AGRN: variants seen among roughly 807,000 people sequenced by gnomAD.
The protein encoded by AGRN is agrin.
AGRN carries 106 observed loss-of-function variants against 211.0 expected under a neutral mutation model. The observed-to-expected ratio is 0.50, with a 90% CI of 0.43 to 0.59. The LOEUF (loss-of-function observed/expected upper bound fraction) is 0.59, where lower values mean the gene tolerates loss of function less well. AGRN is among the 20% of genes least tolerant of loss of function. The pLI, the probability that AGRN is intolerant of heterozygous loss-of-function variation, is 0.00. For synonymous variants in AGRN, 1,525 were observed against 1,332.5 expected, an observed-to-expected ratio of 1.14 and a Z score of -3.15; for missense variants, 3,040 against 2,982.6, an observed-to-expected ratio of 1.02 and a Z score of -0.45.
At chr1:1,029,227 G>A (rs2100584802) in intron 2 of AGRN, among the ~76,000 whole-genome samples, 1 of 152,310 alleles carries the variant, frequency 6.6e-6, no homozygotes, top group East Asian at 1.9e-4. Flanking sequence ...ATAAGTACCT[G>A]CGGGTGCCCA....
chr1:1,054,624 C>G, intron 35 of AGRN, 73 bp downstream of exon 35: 2 of 1,523,962 alleles, frequency 1.3e-6, no homozygotes, highest in Non-Finnish European at 1.8e-6. Context: ...CTCCACCCCC[C>G]AGCGCCCACC....
rs1380149207 is a variant in AGRN, at chr1:1,031,122, G to T, written c.464-4155G>T. Among the ~76,000 whole-genome samples the T allele has an allele frequency of 7.1e-6, 1 of 140,722 alleles. No individual in the cohort carries two copies. Among genetic ancestry groups the T allele is most frequent in the Non-Finnish European group, 1.5e-5 (1 of 65,058 alleles). 92.3% of individuals were successfully genotyped at this position (140,722 alleles called of 152,430 possible). Reference sequence around the variant, plus strand: ...GTGTGTGCGGTGCATGGTGCTGTGTGAGATGTGTGTGTGTGCAGTGCATGG... The same window carrying T: ...GTGTGTGCGGTGCATGGTGCTGTGTTAGATGTGTGTGTGTGCAGTGCATGG... On this transcript the variant is annotated intron_variant, in intron 2 of 35. Transcript: ENST00000379370. The surrounding 1 kb of genome is among the most constrained non-coding windows in gnomAD (Gnocchi z 4.8).
At chr1:1,028,327 C>A (rs998293710) in intron 2 of AGRN, among the ~76,000 whole-genome samples, 1 of 133,582 alleles carries the variant, frequency 7.5e-6, no homozygotes, top group East Asian at 2.2e-4. Flanking sequence ...AACGCCCCCC[C>A]CCCCCCCCCG....
intron 34 of AGRN, 89 bp from the exon 35 acceptor site, chr1:1,054,359 C>A: frequency 8.1e-7 from 1 of 1,234,162 alleles, no homozygotes; most frequent in Non-Finnish European, 1.2e-6. Flanking sequence ...GAGGCACCTG[C>A]AGGGCATAGG....
In AGRN at chr1:1,037,996, C is replaced by T. The variant is rs545793846; in HGVS notation, c.512-2669C>T. ...GTGGGAGCGGCCCCTCACCTAAGCCCGCAGTGTGAGCGGAGAATGGGGGGG... is the reference window on the plus strand; with the variant it reads ...GTGGGAGCGGCCCCTCACCTAAGCCTGCAGTGTGAGCGGAGAATGGGGGGG... On this transcript the variant is annotated intron_variant, in intron 3 of 35. Transcript: ENST00000379370. Among the ~76,000 whole-genome samples, 206 of 152,282 alleles carry T rather than the reference C, an allele frequency of 1.4e-3. 1 individual carries two copies. The highest frequency in any genetic ancestry group is 4.8e-3 in the African/African-American group (200 of 41,562).
At chr1:1,023,647 G>C (rs977572060) in intron 2 of AGRN, among the ~76,000 whole-genome samples, 10 of 152,184 alleles carry the variant, frequency 6.6e-5, no homozygotes, top group Non-Finnish European at 1.0e-4. Context: ...AGGAGAGGGG[G>C]TCACTAACCC....
chr1:1,039,200 G>C (rs1644869744), intron 3 of AGRN, among the ~76,000 whole-genome samples: 1 of 152,202 alleles, frequency 6.6e-6, no homozygotes, highest in African/African-American at 2.4e-5. Flanking sequence ...TAGCAGAAGA[G>C]GGGTGGGGGC....
In AGRN at chr1:1,047,083, G is replaced by C. The variant is rs572127951; in HGVS notation, c.3388+126G>C. On this transcript the variant is annotated intron_variant, in intron 19 of 35. Coordinates refer to ENST00000379370, the MANE Select transcript of AGRN (RefSeq NM_198576.4). ...CTTGGGACTCGGCCCCCTCAAACAT[G>C]TGCGTGCCGGGGACCCCACGCCTAA... 123 of 1,453,888 alleles carry C rather than the reference G, an allele frequency of 8.5e-5. No individual in the cohort carries two copies. The South Asian group carries it at 1.6e-3, about 18-fold the overall frequency. 90.1% of individuals were successfully genotyped at this position (1,453,888 alleles called of 1,614,324 possible).
At position 1,041,461 on chromosome 1, in the gene AGRN, C is replaced by A; in HGVS notation, c.953-17C>A. 1 of 1,579,794 alleles carries A rather than the reference C, an allele frequency of 6.3e-7. No homozygotes were observed. The highest frequency in any genetic ancestry group is 8.5e-7 in the Non-Finnish European group (1 of 1,170,742). On this transcript the variant is annotated splice_polypyrimidine_tract_variant and intron_variant, in intron 5 of 35. Transcript: ENST00000379370. ...GCGCGCGGCGACAGCGTCCTGACTC[C>A]TGCCCTCGACCCCCAGACCCCTGTC... is the stretch of plus-strand genomic sequence containing the variant.
In AGRN at chr1:1,050,799, C is replaced by A; in HGVS notation, c.5215C>A (p.Arg1739Ser). The change falls in exon 30 of 36, where the codon CGT becomes AGT. Residue 1739 changes from arginine to serine, a missense_variant. Physicochemically the swap from Arg to Ser is moderately radical, Grantham distance 110 (BLOSUM62 -1). Coordinates refer to ENST00000379370, the MANE Select transcript of AGRN (RefSeq NM_198576.4). ...LERNGRKGALRVGDGPRVLGE... is the reference protein window; with the variant it reads ...LERNGRKGALSVGDGPRVLGE... ...GCGAAACGGCCGCAAGGGTGCCCTGCGTGTGGGCGACGGCCCCCGTGTGTT... is the reference window on the plus strand; with the variant it reads ...GCGAAACGGCCGCAAGGGTGCCCTGAGTGTGGGCGACGGCCCCCGTGTGTT... The A allele has an allele frequency of 6.3e-7, 1 of 1,597,474 alleles. No individual in the cohort carries two copies. The highest frequency in any genetic ancestry group is 8.5e-7 in the Non-Finnish European group (1 of 1,175,816).
At chr1:1,022,056 C>A in intron 1 of AGRN, 145 bp from the exon 2 acceptor site, 1 of 1,043,724 alleles carries the variant, frequency 9.6e-7, no homozygotes, top group Non-Finnish European at 1.4e-6. Flanking sequence ...CCAGCTTCCG[C>A]CCAGCGGGCT....
intron 3 of AGRN, among the ~76,000 whole-genome samples, chr1:1,039,505 C>T (rs1644879409): frequency 6.6e-6 from 1 of 151,816 alleles, no homozygotes; most frequent in South Asian, 2.1e-4. Flanking sequence ...ATAATTGGAC[C>T]CAATTAAACA....
intron 29 of AGRN, 35 bp downstream of exon 29, chr1:1,050,626 G>A: frequency 6.2e-7 from 1 of 1,604,820 alleles, no homozygotes; most frequent in African/African-American, 1.3e-5. Flanking sequence ...GAGGCCTGGG[G>A]CACTGGCCCG....
Position 1,045,334 on chromosome 1 carries a change from A to T in AGRN, c.2372-25A>T, listed in dbSNP as rs780280646. On this transcript the variant is annotated intron_variant, in intron 13 of 35. Coordinates refer to ENST00000379370, the MANE Select transcript of AGRN (RefSeq NM_198576.4). ...CCTGGTGCGGCTGTGCGGCCACGTG[A>T]CCTTGTCCTGCCCTGGCCTTTCAGG... 4 of 1,611,954 alleles carry T rather than the reference A, an allele frequency of 2.5e-6. No homozygotes were observed. In the South Asian group the frequency reaches 4.4e-5, roughly 18 times the overall value.
At chr1:1,053,442 C>G (rs2100698074) in intron 33 of AGRN, 6 of 1,442,028 alleles carry the variant, frequency 4.2e-6, no homozygotes, top group Non-Finnish European at 5.6e-6. Flanking sequence ...ACCCGCCTCC[C>G]TCTCTTCCTG....
chr1:1,046,975 C>A lies in AGRN; in HGVS notation c.3388+18C>A. The A allele has an allele frequency of 6.4e-7, 1 of 1,568,360 alleles. No individual in the cohort carries two copies. Among genetic ancestry groups the A allele is most frequent in the East Asian group, 2.4e-5 (1 of 42,356 alleles). On this transcript the variant is annotated intron_variant, in intron 19 of 35. Coordinates refer to ENST00000379370, the MANE Select transcript of AGRN (RefSeq NM_198576.4). ...CTGCCCCGGTGAGTGGACGGCTGGG[C>A]GAGGGGAGTGTGAGGATAGCCTGGG...
Position 1,047,573 on chromosome 1 carries a change from C to A in AGRN, c.3517C>A (p.Leu1173Met), listed in dbSNP as rs756576195. 1 of 1,612,816 alleles carries A rather than the reference C, an allele frequency of 6.2e-7. No homozygotes were observed. Among genetic ancestry groups the A allele is most frequent in the Non-Finnish European group, 8.5e-7 (1 of 1,180,034 alleles). Residue 1173 changes from leucine to methionine, a missense_variant and splice_region_variant, in exon 21 of 36, where the codon CTG becomes ATG. Around this residue, in one of 3 missense-constraint regions of AGRN, gnomAD observed 1,537 missense variants for 1,505.0 expected, o/e 1.02. Coordinates refer to ENST00000379370, the MANE Select transcript of AGRN (RefSeq NM_198576.4). Reference sequence around the variant, plus strand: ...AGTCCTTGCCTACTCCCTGCCACAGCTGGACGACCTCTTCCGGAATTCAGA... The same window carrying A: ...AGTCCTTGCCTACTCCCTGCCACAGATGGACGACCTCTTCCGGAATTCAGA... ...GETARSIESTLDDLFRNSDVK... is the reference protein window; with the variant it reads ...GETARSIESTMDDLFRNSDVK...
intron 3 of AGRN, among the ~76,000 whole-genome samples, chr1:1,038,166 G>C (rs2100619208): frequency 6.6e-6 from 1 of 152,266 alleles, no homozygotes; most frequent in South Asian, 2.1e-4. Context: ...CAAATGCTGT[G>C]AGGGAGATCC....
intron 2 of AGRN, chr1:1,034,764 T>C (rs1408823025): frequency 9.9e-7 from 1 of 1,005,100 alleles, no homozygotes; most frequent in Non-Finnish European, 1.2e-6. Context: ...CCCCTGCACA[T>C]AGAGGCTGGA....
Sources: gnomAD v4.1 joint callset for allele counts (sites outside exome capture counted in the v4.1 genomes callset) on GRCh38, gnomAD v4.1.1 for gene constraint, gnomAD v4.1.1 regional missense constraint, Gnocchi (gnomAD v3.1) non-coding constraint, MANE v1.5 for transcripts, NCBI Gene and HGNC (gene_info 2026-07-23, HGNC 2026-07-21) for gene names.